The following NKAIN3 variants were observed in gnomAD, a reference collection of about 807,000 sequenced individuals.
NKAIN3 encodes the protein sodium/potassium transporting ATPase interacting 3.
In NKAIN3, 25 loss-of-function variants were observed where a neutral mutation model predicts 30.2. That is an observed-to-expected ratio of 0.83 (90% confidence interval 0.60 to 1.16). The LOEUF (loss-of-function observed/expected upper bound fraction) is 1.16, where lower values mean the gene tolerates loss of function less well. NKAIN3 is among the 50% of genes most tolerant of loss of function. NKAIN3 has a pLI of 0.00. For synonymous variants in NKAIN3, 91 were observed against 89.6 expected, an observed-to-expected ratio of 1.02 and a Z score of -0.09; for missense variants, 225 against 254.1, an observed-to-expected ratio of 0.89 and a Z score of 0.78.
chr8:62,766,901 C>T (rs577002384), intron 4 of NKAIN3, among the ~76,000 whole-genome samples: 72 of 152,044 alleles, frequency 4.7e-4, no homozygotes, highest in African/African-American at 1.7e-3. Context: ...CAGAATAAGC[C>T]TCAGCCCCAC....
rs374144864 is a variant in NKAIN3, at chr8:62,746,969, G to A, written c.311G>A (p.Arg104Gln). The A allele has an allele frequency of 2.8e-5, 45 of 1,613,504 alleles. No homozygotes were observed. In the African/African-American group the frequency reaches 2.8e-4, roughly 10 times the overall value. ...DLMTFNISVH[R>Q]SWWREHGPGC... The stretch of plus-strand genomic sequence containing the variant: ...ATGACATTCAATATCTCTGTACATC[G>A]GTCATGGTGGAGAGAACATGGGCCT... The change falls in exon 4 of 7, where the codon CGG (arginine) becomes CAG (glutamine). Residue 104 changes from arginine to glutamine, a missense_variant. Transcript: ENST00000623646.
At chr8:62,950,639 A>G (rs887368841) in intron 5 of NKAIN3, among the ~76,000 whole-genome samples, 25 of 152,202 alleles carry the variant, frequency 1.6e-4, no homozygotes, top group African/African-American at 5.3e-4. Context: ...TTAAAAAGAA[A>G]GAAGAAAACA....
chr8:62,777,731 TC>T (rs1817233699), intron 4 of NKAIN3, among the ~76,000 whole-genome samples: 1 of 152,154 alleles, frequency 6.6e-6, no homozygotes, highest in African/African-American at 2.4e-5. Context: ...GGTCATAATT[TC>T]CTTGATAGCC....
chr8:62,434,803 CCT>C (rs1402468969), intron 1 of NKAIN3, among the ~76,000 whole-genome samples: 1 of 152,156 alleles, frequency 6.6e-6, no homozygotes. Context: ...AATCTATAGA[CCT>C]CTCCTGAAAA....
At chr8:62,475,715 A>C (rs1184260086) in intron 1 of NKAIN3, among the ~76,000 whole-genome samples, 1 of 152,226 alleles carries the variant, frequency 6.6e-6, no homozygotes, top group Non-Finnish European at 1.5e-5. Flanking sequence ...AAAGTTTAAT[A>C]GCTCCAAAGG....
At chr8:62,890,476 T>G (rs913652207) in intron 4 of NKAIN3, among the ~76,000 whole-genome samples, 2 of 152,238 alleles carry the variant, frequency 1.3e-5, no homozygotes, top group Non-Finnish European at 2.9e-5. Context: ...AACTAACTTA[T>G]GTTTCATGAA....
chr8:62,759,266 A>T (rs924851746), intron 4 of NKAIN3, among the ~76,000 whole-genome samples: 1 of 152,190 alleles, frequency 6.6e-6, no homozygotes, highest in African/African-American at 2.4e-5. Flanking sequence ...ATAAAGGATT[A>T]GTCTTGAGTG....
chr8:62,319,649 A>C (rs948625745), intron 1 of NKAIN3, among the ~76,000 whole-genome samples: 13 of 152,096 alleles, frequency 8.5e-5, no homozygotes, highest in African/African-American at 3.1e-4. Context: ...GTTTTGAGTG[A>C]GTTTCTGAAT....
chr8:62,938,619 T>C (rs1822857928), intron 5 of NKAIN3, among the ~76,000 whole-genome samples: 1 of 152,136 alleles, frequency 6.6e-6, no homozygotes, highest in South Asian at 2.1e-4. Flanking sequence ...GCCCGGTAGC[T>C]CTGCTGGATG....
intron 3 of NKAIN3, among the ~76,000 whole-genome samples, chr8:62,628,081 C>A (rs559603702): frequency 6.6e-6 from 1 of 152,146 alleles, no homozygotes; most frequent in South Asian, 2.1e-4. Context: ...ATGCTGGTTA[C>A]GTTCCATTCA....
chr8:62,737,020 C>T (rs1473393287), intron 3 of NKAIN3, among the ~76,000 whole-genome samples: 1 of 152,208 alleles, frequency 6.6e-6, no homozygotes, highest in Non-Finnish European at 1.5e-5. Context: ...CCCTCTTCCA[C>T]CCATTGGGCA....
At chr8:62,337,621 C>CAT (rs372132945) in intron 1 of NKAIN3, among the ~76,000 whole-genome samples, 5,925 of 151,952 alleles carry the variant, frequency 0.039, 416 homozygotes, top group African/African-American at 0.14. Context: ...CTCTCACACA[C>CAT]ATATGTGTGT....
intron 1 of NKAIN3, among the ~76,000 whole-genome samples, chr8:62,448,329 A>G (rs1393837389): frequency 6.6e-6 from 1 of 151,754 alleles, no homozygotes; most frequent in African/African-American, 2.4e-5. Context: ...AGGGAGTACC[A>G]ATATTACGGA....
Position 62,584,674 on chromosome 8 carries a change from C to T in NKAIN3, c.192+4998C>T, listed in dbSNP as rs551823171. ...AGTTTGCACATACTGCTCCTTCTGC[C>T]TGGAATGCCTTAATCTCTCTATCCT... On this transcript the variant is annotated intron_variant, in intron 2 of 6. Transcript: ENST00000623646. 2.0e-5 allele frequency among the ~76,000 whole-genome samples: 3 copies of T among 152,322 alleles called. No individual in the cohort carries two copies. In the East Asian group the frequency reaches 5.8e-4, roughly 29 times the overall value.
chr8:62,278,857 A>G (rs1050954155), intron 1 of NKAIN3, among the ~76,000 whole-genome samples: 4 of 152,162 alleles, frequency 2.6e-5, no homozygotes, highest in Non-Finnish European at 5.9e-5. Flanking sequence ...ATGTGTCTTT[A>G]TAGCAGCATG....
At chr8:62,942,225 C>CATATATATATATACACATATATATACAT (rs200450874) in intron 5 of NKAIN3, among the ~76,000 whole-genome samples, 2 of 51,712 alleles carry the variant, frequency 3.9e-5, no homozygotes, top group African/African-American at 1.6e-4. Context: ...CATATATATA[C>CATATATATATATACACATATATATACAT]ATATATATAC....
intron 1 of NKAIN3, among the ~76,000 whole-genome samples, chr8:62,284,560 G>A (rs1038934421): frequency 2.0e-5 from 3 of 151,982 alleles, no homozygotes; most frequent in African/African-American, 7.3e-5. Flanking sequence ...TTGGAGGTAG[G>A]TGGAGGTTGC....
intron 3 of NKAIN3, among the ~76,000 whole-genome samples, chr8:62,647,605 G>A (rs1223171577): frequency 6.6e-6 from 1 of 152,142 alleles, no homozygotes; most frequent in African/African-American, 2.4e-5. Context: ...ATTAGCAGAA[G>A]TTAGCAAAGT....
At position 62,981,012 on chromosome 8, in the gene NKAIN3, GGTCTGAA is replaced by G; in HGVS notation, c.*15607_*15613del. 1 of 152,232 alleles carries G rather than the reference GGTCTGAA, an allele frequency of 6.6e-6. No homozygotes were observed. The highest frequency in any genetic ancestry group is 1.5e-5 in the Non-Finnish European group (1 of 68,008). The allele number at this position is 152,232 out of a possible 1,614,324, so 9.4% of individuals were successfully genotyped here. A position where few individuals can be genotyped will look rare whatever the true frequency, so the allele number is the denominator to read the frequency against. On this transcript the variant is annotated 3_prime_UTR_variant, in exon 7 of 7. Transcript: ENST00000623646. The stretch of plus-strand genomic sequence containing the variant: ...GTGTTCCTAGGCCCACAAAGTCTTT[GGTCTGAA>G]GACTCAGAGCTTAAATTGCATTGGT...
Sources: gnomAD v4.1 joint callset for allele counts (sites outside exome capture counted in the v4.1 genomes callset) on GRCh38, gnomAD v4.1.1 for gene constraint, MANE v1.5 for transcripts, NCBI Gene and HGNC (gene_info 2026-07-23, HGNC 2026-07-21) for gene names.